The following HERC1 variants were observed in gnomAD, a reference collection of about 807,000 sequenced individuals.
HERC1 encodes probable E3 ubiquitin-protein ligase HERC1.
Under a neutral mutation model 554.3 loss-of-function variants are expected in HERC1, and 160 were observed. The ratio of observed to expected loss-of-function variants is 0.29; its 90% confidence interval spans 0.25 to 0.33. The LOEUF is 0.33. Ranked by LOEUF, HERC1 falls within the 10% of genes least tolerant of loss-of-function variation. The pLI is 1.00. For synonymous variants in HERC1, 2,175 were observed against 2,131.7 expected (o/e 1.02, Z -0.56); for missense variants, 4,919 against 5,918.5 (o/e 0.83, Z 5.54).
chr15:63,725,217 C>A, intron 18 of HERC1, 75 bp downstream of exon 18: 1 of 1,295,516 alleles, frequency 7.7e-7, no homozygotes, highest in African/African-American at 1.5e-5. Flanking sequence ...CTCTATTTAG[C>A]AAATCAGAAT....
chr15:63,775,555 C>T lies in HERC1; in HGVS notation c.69G>A (p.Glu23=). Residue 23 remains glutamate, a synonymous_variant, in exon 2 of 78, where the codon GAG becomes GAA. Transcript: ENST00000443617. The surrounding 1 kb of genome is among the most constrained non-coding windows in gnomAD (Gnocchi z 4.0). The stretch of plus-strand genomic sequence containing the variant: ...CTCTTGTAGCAATAGATTCACTGTC[C>T]TCTGTAATCCAGGAGCTGTTCAAGT... The part of the protein sequence containing the change: ...LEHLNSSWIT[E]DSESIATREG... 6.2e-7 allele frequency: 1 copy of T among 1,613,482 alleles called. No homozygotes were observed. Among genetic ancestry groups the T allele is most frequent in the Non-Finnish European group, 8.5e-7 (1 of 1,179,622 alleles).
chr15:63,696,270 G>A lies in HERC1; in HGVS notation c.4975C>T (p.Leu1659=). The A allele has an allele frequency of 6.2e-7, 1 of 1,613,432 alleles. No individual in the cohort carries two copies. The highest frequency in any genetic ancestry group is 8.5e-7 in the Non-Finnish European group (1 of 1,179,674). Residue 1659 remains leucine, a synonymous_variant, in exon 27 of 78, where the codon CTG becomes TTG. Coordinates refer to ENST00000443617, the MANE Select transcript of HERC1 (RefSeq NM_003922.4). ...SGMEEKGSIS[L]AGSRLSSGFQ... ...CCTGAACTCAATCTGCTTCCTGCCA[G>A]TGAGATGCTACCTTTTTCTTCCATC...
intron 1 of HERC1, chr15:63,780,619 G>A (rs1385580109): frequency 6.6e-6 from 1 of 152,152 alleles, no homozygotes; most frequent in African/African-American, 2.4e-5. Flanking sequence ...CTACTCGGGA[G>A]GCTGAGGCAG....
At chr15:63,703,916 CAA>C (rs1254785831) in intron 25 of HERC1, among the ~76,000 whole-genome samples, 3 of 117,150 alleles carry the variant, frequency 2.6e-5, no homozygotes, top group Non-Finnish European at 1.8e-5. Flanking sequence ...GACACTGTCT[CAA>C]AAAAAAAAAA....
Position 63,612,171 on chromosome 15 carries a change from G to C in HERC1, c.14400+80C>G, listed in dbSNP as rs529636769. 2.0e-4 allele frequency: 256 copies of C among 1,276,870 alleles called. No homozygotes were observed. Among genetic ancestry groups the C allele is most frequent in the African/African-American group, 1.4e-3 (92 of 67,246 alleles). 79.1% of individuals were successfully genotyped at this position (1,276,870 alleles called of 1,614,324 possible). A position where few individuals can be genotyped will look rare whatever the true frequency, so the allele number is the denominator to read the frequency against. ...CCACTGCACTCCAGCCTGGGCCACA[G>C]AGTGAGACCCTGTCTCAACAAAAAC... On this transcript the variant is annotated intron_variant, in intron 77 of 77. Transcript: ENST00000443617. This position sits in a 1 kb window ranked among gnomAD's most constrained non-coding sequence, Gnocchi z 5.0.
At chr15:63,781,301 C>A (rs1227979088) in intron 1 of HERC1, among the ~76,000 whole-genome samples, 1 of 152,150 alleles carries the variant, frequency 6.6e-6, no homozygotes, top group Non-Finnish European at 1.5e-5. Context: ...ATCTTTTTTA[C>A]AAATTGAAGG....
intron 39 of HERC1, among the ~76,000 whole-genome samples, chr15:63,671,872 G>A (rs190934844): frequency 5.9e-5 from 9 of 152,320 alleles, no homozygotes; most frequent in Admixed American, 5.9e-4. Context: ...TCATAGTTAA[G>A]AGAGCTCATA....
Position 63,630,641 on chromosome 15 carries a change from A to AAAAAC in HERC1, c.12797-11_12797-7dup. On this transcript the variant is annotated splice_region_variant and splice_polypyrimidine_tract_variant and intron_variant, in intron 68 of 77. Transcript: ENST00000443617. ...TGGCAAGCCTATCAGGCGATCTGAA[A>AAAAAC]AAAACAAAACAAAAACATGTGGAAA... The AAAAAC allele has an allele frequency of 1.2e-6, 2 of 1,607,164 alleles. No homozygotes were observed. The highest frequency in any genetic ancestry group is 1.7e-6 in the Non-Finnish European group (2 of 1,177,062).
intron 1 of HERC1, among the ~76,000 whole-genome samples, chr15:63,776,340 A>G (rs1370352139): frequency 1.3e-5 from 2 of 152,086 alleles, no homozygotes; most frequent in African/African-American, 2.4e-5. Context: ...CCTCCTGTAG[A>G]CTTCTTTCTC....
At chr15:63,711,314 C>CA (rs111884935) in intron 24 of HERC1, among the ~76,000 whole-genome samples, 2 of 150,742 alleles carry the variant, frequency 1.3e-5, no homozygotes, top group South Asian at 2.1e-4. Flanking sequence ...TATCCTGTCT[C>CA]AAAAAAAAGG....
At chr15:63,728,921 TAAAG>T (rs999014422) in intron 16 of HERC1, among the ~76,000 whole-genome samples, 2 of 140,274 alleles carry the variant, frequency 1.4e-5, no homozygotes, top group African/African-American at 5.3e-5. Context: ...AAGAGAAAGG[TAAAG>T]AAAGAGCAGG....
At chr15:63,708,565 A>G (rs1299738618) in intron 24 of HERC1, among the ~76,000 whole-genome samples, 1 of 152,264 alleles carries the variant, frequency 6.6e-6, no homozygotes, top group Non-Finnish European at 1.5e-5. Flanking sequence ...GACACCTGTC[A>G]AACAGTTAAA....
intron 74 of HERC1, among the ~76,000 whole-genome samples, chr15:63,620,192 T>C (rs2068011354): frequency 6.6e-6 from 1 of 152,370 alleles, no homozygotes; most frequent in South Asian, 2.1e-4. Flanking sequence ...TGGTATGTTG[T>C]GTCTTTGTTC....
At chr15:63,702,759 T>C (rs2153082254) in intron 25 of HERC1, among the ~76,000 whole-genome samples, 2 of 152,308 alleles carry the variant, frequency 1.3e-5, no homozygotes, top group South Asian at 4.1e-4. Flanking sequence ...ACAAATTTCA[T>C]ATTGCCTCTG....
intron 1 of HERC1, among the ~76,000 whole-genome samples, chr15:63,820,527 A>C (rs369932267): frequency 2.0e-5 from 3 of 152,222 alleles, no homozygotes; most frequent in African/African-American, 7.2e-5. Context: ...TACTTGAATT[A>C]TATCAAATAA....
In HERC1 at chr15:63,725,485, A is replaced by G. The variant is rs757634958; in HGVS notation, c.3375T>C (p.Gly1125=). The G allele has an allele frequency of 6.2e-7, 1 of 1,613,994 alleles. No homozygotes were observed. Among genetic ancestry groups the G allele is most frequent in the East Asian group, 2.2e-5 (1 of 44,880 alleles). Residue 1125 remains glycine, a synonymous_variant, in exon 18 of 78, where the codon GGT becomes GGC. Coordinates refer to ENST00000443617, the MANE Select transcript of HERC1 (RefSeq NM_003922.4). ...ACTGAGCTGGCTGAGGTAATGGCAG[A>G]CCAGCAGGATCAATTAGTTCTGGCC... ...HGGPELIDPA[G]LPLPQPAQSW... is the part of the protein sequence containing the mutation.
chr15:63,800,526 G>T (rs2076945196), intron 1 of HERC1, among the ~76,000 whole-genome samples: 1 of 152,130 alleles, frequency 6.6e-6, no homozygotes, highest in South Asian at 2.1e-4. Context: ...ATATTAATTA[G>T]GTACTCAGTA....
intron 8 of HERC1, among the ~76,000 whole-genome samples, chr15:63,751,865 C>T (rs2075259970): frequency 6.6e-6 from 1 of 152,072 alleles, no homozygotes; most frequent in South Asian, 2.1e-4. Flanking sequence ...ACTACCACTA[C>T]CAACTAATAG....
At chr15:63,631,328 C>T (rs2068546246) in intron 68 of HERC1, among the ~76,000 whole-genome samples, 1 of 152,194 alleles carries the variant, frequency 6.6e-6, no homozygotes, top group African/African-American at 2.4e-5. Context: ...ACTGTCTCCA[C>T]TGCACTGAAA....
Sources: gnomAD v4.1 joint callset for allele counts (sites outside exome capture counted in the v4.1 genomes callset) on GRCh38, gnomAD v4.1.1 for gene constraint, Gnocchi (gnomAD v3.1) non-coding constraint, MANE v1.5 for transcripts, NCBI Gene and HGNC (gene_info 2026-07-23, HGNC 2026-07-21) for gene names.